The following ZSCAN25 variants were observed in gnomAD, a reference collection of about 807,000 sequenced individuals.
ZSCAN25 encodes the protein zinc finger and SCAN domain containing 25, also known as zinc finger and SCAN domain-containing protein 25.
A neutral mutation model predicts 38.7 loss-of-function variants in ZSCAN25; 27 were observed. That is an observed-to-expected ratio of 0.70 (90% CI 0.51 to 0.96). ZSCAN25 has a LOEUF of 0.96. ZSCAN25 is among the 40% of genes least tolerant of loss of function. The pLI is 0.00. For missense variants in ZSCAN25, 637 were observed against 705.9 expected (o/e 0.90, Z 1.11); for synonymous variants, 273 against 277.7 (o/e 0.98, Z 0.17).
the ZSCAN25 span, chr7:99,695,701 C>T: frequency 6.5e-7 from 1 of 1,530,060 alleles, no homozygotes; most frequent in Non-Finnish European, 9.0e-7. Context: ...CTAAGCTGCT[C>T]TCTCCAATCA....
At chr7:99,640,747 T>TA in the ZSCAN25 span, among the ~76,000 whole-genome samples, 261 of 152,172 alleles carry the variant, frequency 1.7e-3, no homozygotes, top group African/African-American at 5.2e-3. Flanking sequence ...TATGTTTTGA[T>TA]AAAAAAACTC....
the ZSCAN25 span, among the ~76,000 whole-genome samples, chr7:99,653,708 C>G: frequency 2.6e-5 from 4 of 152,176 alleles, no homozygotes; most frequent in Non-Finnish European, 5.9e-5. This position sits in a 1 kb window ranked among gnomAD's most constrained non-coding sequence, Gnocchi z 4.2. Flanking sequence ...GTCTGCCTCA[C>G]AGCCACACCA....
chr7:99,676,189 C>T, the ZSCAN25 span: 1 of 1,613,754 alleles, frequency 6.2e-7, no homozygotes, highest in South Asian at 1.1e-5. Context: ...TTAAAAAGTC[C>T]ATGTGTACGG....
At chr7:99,705,664 TAA>T in the ZSCAN25 span, 2 of 1,560,238 alleles carry the variant, frequency 1.3e-6, no homozygotes, top group Non-Finnish European at 1.8e-6. Context: ...AGCATCAAAG[TAA>T]AAAAAAATTA....
the ZSCAN25 span, chr7:99,663,830 T>C: frequency 7.3e-7 from 1 of 1,364,714 alleles, no homozygotes; most frequent in Non-Finnish European, 9.4e-7. Flanking sequence ...TCTTTATTTC[T>C]ACCAAATGGC....
chr7:99,664,420 G>T, the ZSCAN25 span, among the ~76,000 whole-genome samples: 2 of 152,194 alleles, frequency 1.3e-5, no homozygotes, highest in African/African-American at 2.4e-5. Context: ...ATAATCTGCT[G>T]CTTAACTTAA....
Position 99,631,278 on chromosome 7 carries a change from C to T in ZSCAN25, c.*1258C>T. 1.0e-6 allele frequency: 1 copy of T among 985,400 alleles called. No homozygotes were observed. The highest frequency in any genetic ancestry group is 1.2e-6 in the Non-Finnish European group (1 of 829,924). The allele number at this position is 985,400 out of a possible 1,614,324, so 61.0% of individuals were successfully genotyped here. A position where few individuals can be genotyped will look rare whatever the true frequency, so the allele number is the denominator to read the frequency against. On this transcript the variant is annotated 3_prime_UTR_variant, in exon 8 of 8. Coordinates refer to ENST00000394152, the MANE Select transcript of ZSCAN25 (RefSeq NM_145115.3). ...AGGCACTAGGGGTCCTGGACACCCA[C>T]TGGGGATGATGAGCTGGTAGCGACC... is the stretch of plus-strand genomic sequence containing the variant.
chr7:99,637,688 G>A, the ZSCAN25 span, among the ~76,000 whole-genome samples: 1 of 152,086 alleles, frequency 6.6e-6, no homozygotes, highest in South Asian at 2.1e-4. Flanking sequence ...ACTGGTCTTA[G>A]ATATAAAAGG....
chr7:99,698,276 T>A, the ZSCAN25 span, among the ~76,000 whole-genome samples: 1 of 152,212 alleles, frequency 6.6e-6, no homozygotes, highest in South Asian at 2.1e-4. Flanking sequence ...CCCCACAACA[T>A]GGCAGACCAC....
At chr7:99,724,925 G>A in the ZSCAN25 span, among the ~76,000 whole-genome samples, 1 of 152,088 alleles carries the variant, frequency 6.6e-6, no homozygotes, top group African/African-American at 2.4e-5. Flanking sequence ...CTCCCCAGAT[G>A]AGCAGGAAAG....
At chr7:99,692,601 C>CT in the ZSCAN25 span, among the ~76,000 whole-genome samples, 1 of 151,886 alleles carries the variant, frequency 6.6e-6, no homozygotes, top group Non-Finnish European at 1.5e-5. Context: ...TTTCTTTTCA[C>CT]TTTTTTTTCT....
the ZSCAN25 span, among the ~76,000 whole-genome samples, chr7:99,711,267 C>T: frequency 2.0e-5 from 3 of 152,186 alleles, no homozygotes; most frequent in Non-Finnish European, 2.9e-5. Flanking sequence ...GTAGTCTTCT[C>T]TCCCAAGAAA....
At chr7:99,628,586 CTTCA>C (rs1423216680) in intron 7 of ZSCAN25, among the ~76,000 whole-genome samples, 1 of 152,196 alleles carries the variant, frequency 6.6e-6, no homozygotes, top group Non-Finnish European at 1.5e-5. Flanking sequence ...GTGAAGCCTG[CTTCA>C]TTCATTCAGC....
the ZSCAN25 span, among the ~76,000 whole-genome samples, chr7:99,667,988 A>G: frequency 6.6e-6 from 1 of 152,218 alleles, no homozygotes; most frequent in Non-Finnish European, 1.5e-5. Flanking sequence ...AAAGGAAATA[A>G]TAGAATTGTC....
At chr7:99,715,642 A>C in the ZSCAN25 span, 3 of 1,542,418 alleles carry the variant, frequency 1.9e-6, no homozygotes, top group Admixed American at 5.1e-5. Flanking sequence ...CTTCAAATGT[A>C]CTACAAACCA....
At chr7:99,727,082 C>A in the ZSCAN25 span, among the ~76,000 whole-genome samples, 10 of 152,210 alleles carry the variant, frequency 6.6e-5, no homozygotes, top group Non-Finnish European at 1.5e-4. Context: ...CCTTTCCTCA[C>A]TCCTCTTTCC....
chr7:99,628,077 C>T lies in ZSCAN25; in HGVS notation c.806-1114C>T, dbSNP rs188861139. ...GACCAGCCTGGGCAACATAGTGAGG[C>T]CCCCATCTCCACAAAAAGGAAAAAA... On this transcript the variant is annotated intron_variant, in intron 7 of 7. Coordinates refer to ENST00000394152, the MANE Select transcript of ZSCAN25 (RefSeq NM_145115.3). Among the ~76,000 whole-genome samples the T allele has an allele frequency of 3.9e-4, 59 of 151,986 alleles. 1 individual carries two copies. In the Middle Eastern group the frequency reaches 0.01, roughly 26 times the overall value.
chr7:99,672,767 T>C, the ZSCAN25 span: 1 of 1,597,126 alleles, frequency 6.3e-7, no homozygotes, highest in East Asian at 2.2e-5. Flanking sequence ...TTGATCATTA[T>C]GTTATGTAAT....
the ZSCAN25 span, among the ~76,000 whole-genome samples, chr7:99,695,393 C>T: frequency 6.6e-6 from 1 of 152,152 alleles, no homozygotes; most frequent in African/African-American, 2.4e-5. Flanking sequence ...AATGGGGGCT[C>T]CTTTTCCTAC....
Sources: allele counts gnomAD v4.1 joint callset (sites outside exome capture counted in the v4.1 genomes callset), GRCh38; gene constraint gnomAD v4.1.1; non-coding constraint Gnocchi (gnomAD v3.1); transcripts MANE v1.5; gene names NCBI Gene and HGNC (gene_info 2026-07-23, HGNC 2026-07-21).